ARHGEF3: variants seen among roughly 807,000 people sequenced by gnomAD.
ARHGEF3 encodes 59.8 kDA protein.
In ARHGEF3, 28 loss-of-function variants were observed where a neutral mutation model predicts 63.2. The observed-to-expected ratio is 0.44, with a 90% CI of 0.33 to 0.61. ARHGEF3 has a LOEUF of 0.61. ARHGEF3 is among the 20% of genes least tolerant of loss of function. The pLI, the probability that ARHGEF3 is intolerant of heterozygous loss-of-function variation, is 0.03. For synonymous variants in ARHGEF3, 266 were observed against 254.2 expected, an observed-to-expected ratio of 1.05 and a Z score of -0.44; for missense variants, 533 against 659.3, an observed-to-expected ratio of 0.81 and a Z score of 2.10.
chr3:57,050,001 C>A (rs755703356), intron 1 of ARHGEF3, among the ~76,000 whole-genome samples: 2 of 152,184 alleles, frequency 1.3e-5, no homozygotes, highest in Admixed American at 6.5e-5. Context: ...CCACTCTCAG[C>A]CCCTCTCCTC....
At chr3:57,072,487 T>TCCCA (rs1273335926) in intron 1 of ARHGEF3, among the ~76,000 whole-genome samples, 3 of 151,104 alleles carry the variant, frequency 2.0e-5, no homozygotes, top group Non-Finnish European at 4.4e-5. Flanking sequence ...ATGTCCGTAA[T>TCCCA]CCCAGCACTT....
chr3:56,827,944 CAAAAAAA>C (rs11462683), intron 4 of ARHGEF3, among the ~76,000 whole-genome samples: 1 of 33,806 alleles, frequency 3.0e-5, no homozygotes, highest in African/African-American at 1.4e-4. Context: ...GATTCTGTCT[CAAAAAAA>C]AAAAAAAAAA....
chr3:56,887,674 G>T lies in ARHGEF3; in HGVS notation c.130-5320C>A, dbSNP rs1032111025. Among the ~76,000 whole-genome samples, 8 of 152,190 alleles carry T rather than the reference G, an allele frequency of 5.3e-5. No individual in the cohort carries two copies. In the East Asian group the frequency reaches 5.8e-4, roughly 11 times the overall value. ...TGCATTTGCACACTTGGTCTGACAG[G>T]TTCCCAGCCAATTTGAGGAGCCAAG... On this transcript the variant is annotated intron_variant, in intron 3 of 12. Coordinates refer to the ARHGEF3 transcript ENST00000338458.
chr3:56,992,928 G>A (rs566038017), intron 2 of ARHGEF3, among the ~76,000 whole-genome samples: 1 of 152,298 alleles, frequency 6.6e-6, no homozygotes, highest in East Asian at 1.9e-4. Flanking sequence ...CTGCCGCCTG[G>A]GTTCAAGCGA....
In ARHGEF3 at chr3:56,728,502, G is replaced by A. The variant is rs1367826388; in HGVS notation, c.*768C>T. The A allele has an allele frequency of 1.3e-5, 2 of 152,616 alleles. No homozygotes were observed. The highest frequency in any genetic ancestry group is 3.8e-4 in the East Asian group (2 of 5,202). The allele number at this position is 152,616 out of a possible 1,614,324, so 9.5% of individuals were successfully genotyped here. On this transcript the variant is annotated 3_prime_UTR_variant, in exon 10 of 10. Coordinates refer to ENST00000296315, the MANE Select transcript of ARHGEF3 (RefSeq NM_019555.3). ...CCTGGCAGGCCTTCCTAAGCCCTTT[G>A]GGTTCTATTCTGATGTTTTAGGCTA...
intron 3 of ARHGEF3, among the ~76,000 whole-genome samples, chr3:56,914,861 T>TA (rs2041944031): frequency 6.6e-6 from 1 of 152,172 alleles, no homozygotes; most frequent in Admixed American, 6.5e-5. Flanking sequence ...AATGGAGAGT[T>TA]ATTGTTTAAC....
intron 7 of ARHGEF3, among the ~76,000 whole-genome samples, chr3:56,742,607 G>A (rs570219866): frequency 6.6e-6 from 1 of 152,220 alleles, no homozygotes; most frequent in Admixed American, 6.5e-5. Flanking sequence ...ATGCACCCAA[G>A]AGTACAGGGC....
At chr3:56,973,817 T>C (rs1182258305) in intron 2 of ARHGEF3, among the ~76,000 whole-genome samples, 2 of 152,190 alleles carry the variant, frequency 1.3e-5, no homozygotes, top group Non-Finnish European at 2.9e-5. Flanking sequence ...GCATTATTCA[T>C]ATAAAATACA....
intron 2 of ARHGEF3, among the ~76,000 whole-genome samples, chr3:56,987,554 T>C (rs1701591696): frequency 6.6e-6 from 1 of 152,136 alleles, no homozygotes; most frequent in African/African-American, 2.4e-5. Context: ...GACGGGGTGA[T>C]GAACACTCCT....
intron 1 of ARHGEF3, among the ~76,000 whole-genome samples, chr3:56,788,479 G>C (rs879380636): frequency 6.6e-6 from 1 of 152,128 alleles, no homozygotes; most frequent in South Asian, 2.1e-4. Flanking sequence ...AGAGCATTAG[G>C]GGTCATTTTT....
chr3:56,944,294 C>T (rs1361404041), intron 3 of ARHGEF3, among the ~76,000 whole-genome samples: 2 of 152,116 alleles, frequency 1.3e-5, no homozygotes, highest in Non-Finnish European at 2.9e-5. Context: ...AAGGATTCAC[C>T]ATTCTAGATG....
intron 1 of ARHGEF3, among the ~76,000 whole-genome samples, chr3:57,040,521 C>A (rs1240397946): frequency 3.8e-5 from 5 of 130,742 alleles, no homozygotes; most frequent in African/African-American, 1.4e-4. Flanking sequence ...ACAGGTAAAA[C>A]CATCCCAGGC....
intron 8 of ARHGEF3, among the ~76,000 whole-genome samples, chr3:56,735,447 A>C (rs571391806): frequency 3.3e-5 from 5 of 152,208 alleles, no homozygotes; most frequent in East Asian, 1.9e-4. Flanking sequence ...TGAAAAAAAA[A>C]CCCACAAGCC....
At chr3:56,922,582 G>A (rs1364724284) in intron 3 of ARHGEF3, among the ~76,000 whole-genome samples, 5 of 152,050 alleles carry the variant, frequency 3.3e-5, no homozygotes, top group African/African-American at 7.2e-5. Context: ...TTGACACACC[G>A]AATTTCCAAG....
At chr3:56,980,555 C>A (rs1701288253) in intron 2 of ARHGEF3, among the ~76,000 whole-genome samples, 1 of 152,188 alleles carries the variant, frequency 6.6e-6, no homozygotes, top group East Asian at 1.9e-4. Context: ...TCTACCTTAG[C>A]TCTTAGAAGA....
intron 4 of ARHGEF3, among the ~76,000 whole-genome samples, chr3:56,857,284 C>T (rs1390287070): frequency 1.3e-5 from 2 of 152,080 alleles, no homozygotes; most frequent in East Asian, 1.9e-4. Context: ...TCCTATTTTC[C>T]GCAACTATTC....
chr3:57,014,501 G>A (rs139225836), intron 2 of ARHGEF3, among the ~76,000 whole-genome samples: 4 of 151,988 alleles, frequency 2.6e-5, no homozygotes, highest in East Asian at 1.9e-4. Flanking sequence ...GTGCATATGC[G>A]TACCAATGCA....
intron 4 of ARHGEF3, among the ~76,000 whole-genome samples, chr3:56,820,399 A>G (rs1425923503): frequency 6.6e-6 from 1 of 152,162 alleles, no homozygotes; most frequent in Non-Finnish European, 1.5e-5. Context: ...GAGAAAGCAC[A>G]CCTGAATCCT....
At chr3:56,967,609 G>GTTACATAATATATA (rs1328172254) in intron 2 of ARHGEF3, among the ~76,000 whole-genome samples, 8 of 83,014 alleles carry the variant, frequency 9.6e-5, no homozygotes, top group South Asian at 3.9e-4. Flanking sequence ...TATTATATAT[G>GTTACATAATATATA]TTACATAATA....
Sources: allele counts gnomAD v4.1 joint callset (sites outside exome capture counted in the v4.1 genomes callset), GRCh38; gene constraint gnomAD v4.1.1; transcripts MANE v1.5; gene names NCBI Gene and HGNC (gene_info 2026-07-23, HGNC 2026-07-21).